The following SCN11A variants were observed in gnomAD, a reference collection of about 807,000 sequenced individuals.
SCN11A encodes the protein sodium channel protein type 11 subunit alpha.
SCN11A carries 122 observed loss-of-function variants against 162.2 expected under a neutral mutation model. That is an observed-to-expected ratio of 0.75 (90% CI 0.65 to 0.87). SCN11A has a LOEUF of 0.87. Ranked by LOEUF, SCN11A falls within the 40% of genes least tolerant of loss-of-function variation. The probability of loss-of-function intolerance (pLI) is 0.00; values close to 1 mark genes in which losing one functional copy is unlikely to be tolerated. For synonymous variants in SCN11A, 758 were observed against 751.5 expected (o/e 1.01, Z -0.14); for missense variants, 2,015 against 2,181.6 (o/e 0.92, Z 1.52).
intron 7 of SCN11A, 113 bp downstream of exon 7, chr3:38,945,298 C>T (rs2066499099): frequency 1.5e-6 from 1 of 655,490 alleles, no homozygotes; most frequent in Non-Finnish European, 2.7e-6. Flanking sequence ...ATTCTGCCAA[C>T]ATATGTGTTA....
intron 4 of SCN11A, among the ~76,000 whole-genome samples, 39 bp downstream of exon 4, chr3:38,953,590 G>A (rs2066647162): frequency 6.6e-6 from 1 of 152,162 alleles, no homozygotes; most frequent in African/African-American, 2.4e-5. Context: ...CTTGACATGA[G>A]ATTAATGGGA....
chr3:38,928,229 C>T (rs2066174425), intron 7 of SCN11A, among the ~76,000 whole-genome samples: 1 of 152,130 alleles, frequency 6.6e-6, no homozygotes, highest in African/African-American at 2.4e-5. Flanking sequence ...AAGTCATATA[C>T]CTAACAAGGG....
chr3:38,994,634 G>A (rs1394022052), intron 2 of SCN11A, among the ~76,000 whole-genome samples: 1 of 152,210 alleles, frequency 6.6e-6, no homozygotes, highest in Non-Finnish European at 1.5e-5. Flanking sequence ...GAGCACTCCT[G>A]AGGAAGTTGG....
At chr3:38,854,938 TGAAA>T (rs2064842953) in intron 28 of SCN11A, among the ~76,000 whole-genome samples, 1 of 152,078 alleles carries the variant, frequency 6.6e-6, no homozygotes, top group Non-Finnish European at 1.5e-5. Context: ...GGCCATAGGG[TGAAA>T]GAAACTTCCA....
intron 28 of SCN11A, among the ~76,000 whole-genome samples, chr3:38,862,124 CAT>C (rs1238686172): frequency 6.6e-6 from 1 of 151,718 alleles, no homozygotes; most frequent in Admixed American, 6.6e-5. Context: ...GGCCAAGAAA[CAT>C]AGAAAAAAAA....
In SCN11A at chr3:38,921,985, C is replaced by A. The variant is rs545933634; in HGVS notation, c.713-730G>T. On this transcript the variant is annotated intron_variant, in intron 9 of 29. Coordinates refer to ENST00000302328, the MANE Select transcript of SCN11A (RefSeq NM_001349253.2). ...TACAGGTTTCCTTGTTTTCTGAATT[C>A]TGTGGTATAGATCCTGATCCCCACT... Among the ~76,000 whole-genome samples the A allele has an allele frequency of 1.3e-4, 20 of 152,296 alleles. No individual in the cohort carries two copies. The South Asian group carries it at 3.3e-3, about 25-fold the overall frequency.
intron 23 of SCN11A, among the ~76,000 whole-genome samples, chr3:38,878,510 T>C (rs1245249615): frequency 3.3e-5 from 5 of 152,110 alleles, no homozygotes; most frequent in Non-Finnish European, 7.4e-5. Flanking sequence ...CAATCATCTG[T>C]TCACACAGTT....
chr3:39,048,993 G>A (rs1289722064), intron 1 of SCN11A, among the ~76,000 whole-genome samples: 1 of 152,250 alleles, frequency 6.6e-6, no homozygotes, highest in African/African-American at 2.4e-5. Flanking sequence ...CCCAGCTGAT[G>A]TGAAGTGGAT....
Position 38,967,759 on chromosome 3 carries a change from C to T in SCN11A, c.-279-7336G>A, listed in dbSNP as rs78555153. On this transcript the variant is annotated intron_variant, in intron 2 of 29. Coordinates refer to ENST00000302328, the MANE Select transcript of SCN11A (RefSeq NM_001349253.2). ...CTGAGCAACTTCCTAAAAGATGATT[C>T]CTGCATATTCTTATTTCCCCTCCCC... Among the ~76,000 whole-genome samples, 1,183 of 152,288 alleles carry T rather than the reference C, an allele frequency of 7.8e-3. 10 individuals carry two copies. Among genetic ancestry groups the T allele is most frequent in the African/African-American group, 0.027 (1,102 of 41,566 alleles).
In SCN11A at chr3:39,027,514, G is replaced by C. The variant is rs114794725; in HGVS notation, c.-280+4866C>G. On this transcript the variant is annotated intron_variant, in intron 2 of 29. Transcript: ENST00000302328. ...CAGCTCGAAAGTGTAGGTAAGAAAAGAAGGACCAGCATTGGCACTCAGCTG... is the reference window on the plus strand; with the variant it reads ...CAGCTCGAAAGTGTAGGTAAGAAAACAAGGACCAGCATTGGCACTCAGCTG... 6.7e-3 allele frequency among the ~76,000 whole-genome samples: 1,024 copies of C among 152,312 alleles called. 14 individuals carry two copies. Among genetic ancestry groups the C allele is most frequent in the African/African-American group, 0.022 (919 of 41,566 alleles).
intron 3 of SCN11A, among the ~76,000 whole-genome samples, chr3:38,960,069 A>C (rs544798925): frequency 2.8e-4 from 43 of 151,806 alleles, no homozygotes; most frequent in African/African-American, 1.0e-3. Context: ...TGAGCCCATG[A>C]CCTCTCAGTG....
intron 2 of SCN11A, among the ~76,000 whole-genome samples, chr3:39,001,962 G>A (rs953680017): frequency 6.6e-5 from 10 of 152,030 alleles, no homozygotes; most frequent in Non-Finnish European, 1.2e-4. Flanking sequence ...GCGTGAACCC[G>A]GGAGGCAGAG....
chr3:38,883,741 C>T (rs1487614315), intron 21 of SCN11A, among the ~76,000 whole-genome samples: 2 of 152,104 alleles, frequency 1.3e-5, no homozygotes, highest in Admixed American at 6.6e-5. Flanking sequence ...GCCATGTTGC[C>T]CTGTTGAGCC....
intron 3 of SCN11A, among the ~76,000 whole-genome samples, chr3:38,954,270 G>A (rs61031584): frequency 0.016 from 2,432 of 152,266 alleles, 68 homozygotes; most frequent in African/African-American, 0.056. Context: ...GGCATATAAT[G>A]AGACTCTGCT....
intron 27 of SCN11A, among the ~76,000 whole-genome samples, chr3:38,866,769 G>T (rs1275996221): frequency 6.6e-6 from 1 of 152,072 alleles, no homozygotes; most frequent in Non-Finnish European, 1.5e-5. Context: ...AGCTCCTGTG[G>T]ATTTTAGAAT....
At chr3:38,971,283 G>A (rs2066815569) in intron 2 of SCN11A, among the ~76,000 whole-genome samples, 2 of 152,050 alleles carry the variant, frequency 1.3e-5, no homozygotes, top group African/African-American at 2.4e-5. Flanking sequence ...GAAGAGACAC[G>A]TGAAAGAAAC....
At chr3:38,870,435 A>G (rs1276021842) in intron 26 of SCN11A, among the ~76,000 whole-genome samples, 1 of 152,170 alleles carries the variant, frequency 6.6e-6, no homozygotes, top group Non-Finnish European at 1.5e-5. Context: ...CATCTCCTGT[A>G]TGAGTGGTTT....
chr3:38,862,339 A>C (rs2064977501), intron 28 of SCN11A, among the ~76,000 whole-genome samples: 1 of 152,216 alleles, frequency 6.6e-6, no homozygotes, highest in African/African-American at 2.4e-5. Flanking sequence ...GAAATTCCTT[A>C]AAGATCCAAA....
At chr3:38,916,618 T>C (rs2065965307) in intron 11 of SCN11A, among the ~76,000 whole-genome samples, 1 of 152,188 alleles carries the variant, frequency 6.6e-6, no homozygotes, top group African/African-American at 2.4e-5. Context: ...TTGGCTCTTG[T>C]CTCTGTTCCT....
Sources: gnomAD v4.1 joint callset for allele counts (sites outside exome capture counted in the v4.1 genomes callset) on GRCh38, gnomAD v4.1.1 for gene constraint, MANE v1.5 for transcripts, NCBI Gene and HGNC (gene_info 2026-07-23, HGNC 2026-07-21) for gene names.